ITGB5: variants seen among roughly 807,000 people sequenced by gnomAD.
ITGB5 encodes integrin subunit beta 5.
ITGB5 carries 38 observed loss-of-function variants against 84.8 expected under a neutral mutation model. The ratio of observed to expected loss-of-function variants is 0.45; its 90% CI spans 0.35 to 0.59. ITGB5 has a LOEUF of 0.59. ITGB5 is among the 20% of genes least tolerant of loss of function. ITGB5 has a pLI of 0.01. For missense variants in ITGB5, 905 were observed against 1,034.5 expected, an observed-to-expected ratio of 0.87 and a Z score of 1.72; for synonymous variants, 393 against 414.4, an observed-to-expected ratio of 0.95 and a Z score of 0.63.
rs905322990 is a variant in ITGB5, at chr3:124,886,925, G to A, written c.70+6C>T. On this transcript the variant is annotated splice_donor_region_variant and intron_variant, in intron 1 of 14. Transcript: ENST00000296181. The stretch of plus-strand genomic sequence containing the variant: ...TTCTCTGGGCGCCGTGGGCGGCGCG[G>A]CTTACCTGCGAGCCGGGGCAGGAGC... The A allele has an allele frequency of 8.2e-7, 1 of 1,212,294 alleles. No individual in the cohort carries two copies. 75.1% of individuals were successfully genotyped at this position (1,212,294 alleles called of 1,614,324 possible).
intron 10 of ITGB5, among the ~76,000 whole-genome samples, 178 bp from the exon 11 acceptor site, chr3:124,774,090 G>A (rs149059195): frequency 5.4e-4 from 82 of 152,332 alleles, no homozygotes; most frequent in African/African-American, 1.8e-3. Flanking sequence ...GGGACAGCAG[G>A]GGACCCTGGC....
chr3:124,851,665 A>T (rs562656313), intron 3 of ITGB5, among the ~76,000 whole-genome samples: 1 of 152,022 alleles, frequency 6.6e-6, no homozygotes, highest in Non-Finnish European at 1.5e-5. Flanking sequence ...TCCCAAAGGA[A>T]GGCTGCAGTT....
At chr3:124,780,029 C>T (rs1036845773) in intron 10 of ITGB5, among the ~76,000 whole-genome samples, 9 of 152,174 alleles carry the variant, frequency 5.9e-5, no homozygotes, top group Non-Finnish European at 1.3e-4. Context: ...CCACAGAGGC[C>T]CCCTTCTGCC....
intron 11 of ITGB5, among the ~76,000 whole-genome samples, chr3:124,772,298 CCTGT>C (rs1448286833): frequency 6.6e-6 from 1 of 152,212 alleles, no homozygotes; most frequent in Non-Finnish European, 1.5e-5. Flanking sequence ...AAAACCCAGC[CCTGT>C]CTATCTTGTC....
intron 5 of ITGB5, among the ~76,000 whole-genome samples, chr3:124,836,384 T>C (rs1179646866): frequency 1.3e-5 from 2 of 151,258 alleles, no homozygotes; most frequent in African/African-American, 4.9e-5. Context: ...TGGGCAAGGT[T>C]GCAGTGAGCC....
chr3:124,900,113 A>C (rs563296752), intron 1 of ITGB5, among the ~76,000 whole-genome samples: 1 of 152,098 alleles, frequency 6.6e-6, no homozygotes, highest in Non-Finnish European at 1.5e-5. Flanking sequence ...CTCAGCTTCA[A>C]ATATATGTCA....
chr3:124,883,790 G>A (rs957335877), intron 1 of ITGB5, among the ~76,000 whole-genome samples: 1 of 152,202 alleles, frequency 6.6e-6, no homozygotes, highest in Admixed American at 6.5e-5. Context: ...TCTTAGCAAA[G>A]GCAGCGTGGA....
At chr3:124,765,556 T>G (rs2063754216) in intron 13 of ITGB5, among the ~76,000 whole-genome samples, 1 of 152,150 alleles carries the variant, frequency 6.6e-6, no homozygotes, top group Non-Finnish European at 1.5e-5. Context: ...CTGTGCAGGG[T>G]AGGTATGTTC....
At chr3:124,817,908 G>A (rs1040822154) in intron 7 of ITGB5, among the ~76,000 whole-genome samples, 198 bp from the exon 8 acceptor site, 12 of 152,216 alleles carry the variant, frequency 7.9e-5, no homozygotes, top group South Asian at 2.1e-4. Context: ...ACAGTACGCC[G>A]TGGAATATCC....
chr3:124,881,619 C>T (rs1481333509), intron 1 of ITGB5, among the ~76,000 whole-genome samples: 1 of 152,120 alleles, frequency 6.6e-6, no homozygotes, highest in Admixed American at 6.5e-5. Flanking sequence ...GCCTCAGCTT[C>T]CTCATGCAAA....
chr3:124,889,325 G>A (rs1317513082), upstream of ITGB5, among the ~76,000 whole-genome samples: 1 of 152,186 alleles, frequency 6.6e-6, no homozygotes, highest in Admixed American at 6.5e-5. Context: ...GCAACCTTTT[G>A]TCTCTTATCT....
intron 13 of ITGB5, among the ~76,000 whole-genome samples, chr3:124,765,468 TGATACCCTGCCCAGCCCTGGTGGTCTA>T (rs2063752918): frequency 6.6e-6 from 1 of 152,130 alleles, no homozygotes; most frequent in Non-Finnish European, 1.5e-5. Context: ...CTGACTTGAG[TGATACCCTGCCCAGCCCTGGTGGTCTA>T]GATGCCCTGC....
chr3:124,835,254 A>C (rs918200482), intron 5 of ITGB5, among the ~76,000 whole-genome samples: 4 of 152,242 alleles, frequency 2.6e-5, no homozygotes, highest in Non-Finnish European at 4.4e-5. Context: ...TGCGGAGCCC[A>C]CAACACAGCT....
At chr3:124,845,170 C>T (rs915152774) in intron 4 of ITGB5, among the ~76,000 whole-genome samples, 5 of 152,326 alleles carry the variant, frequency 3.3e-5, no homozygotes, top group South Asian at 4.1e-4. Context: ...TGGTGGCCCA[C>T]CCCTGTAATC....
chr3:124,804,857 G>A (rs1013950668), intron 9 of ITGB5, among the ~76,000 whole-genome samples: 13 of 152,048 alleles, frequency 8.5e-5, no homozygotes, highest in Non-Finnish European at 2.9e-5. Flanking sequence ...AGTAGAGACA[G>A]GGTTTCACCA....
At chr3:124,890,988 C>CT (rs371362393), upstream of ITGB5, among the ~76,000 whole-genome samples, 12 of 152,204 alleles carry the variant, frequency 7.9e-5, no homozygotes, top group African/African-American at 2.9e-4. Context: ...ACTCCCCCCC[C>CT]AGCCACTGGA....
chr3:124,853,305 C>CT (rs2065181747), intron 3 of ITGB5, among the ~76,000 whole-genome samples: 2 of 152,230 alleles, frequency 1.3e-5, no homozygotes, highest in African/African-American at 4.8e-5. Flanking sequence ...CTTCCAGTCA[C>CT]TACAGCAGAA....
chr3:124,868,621 A>T lies in ITGB5; in HGVS notation c.156+4825T>A, dbSNP rs894142463. Among the ~76,000 whole-genome samples, 1,149 of 124,964 alleles carry T rather than the reference A, an allele frequency of 9.2e-3. 21 individuals are homozygous for T. The highest frequency in any genetic ancestry group is 0.043 in the African/African-American group (1,064 of 24,718). 82.0% of individuals were successfully genotyped at this position (124,964 alleles called of 152,430 possible). A position where few individuals can be genotyped will look rare whatever the true frequency, so the allele number is the denominator to read the frequency against. On this transcript the variant is annotated intron_variant, in intron 2 of 14. Coordinates refer to ENST00000296181, the MANE Select transcript of ITGB5 (RefSeq NM_002213.5). Reference sequence around the variant, plus strand: ...CATAGTGAGACCTGTTCTCTACCAAAAAAAAAAAAAAAAAAAAAAAAATCA... The same window carrying T: ...CATAGTGAGACCTGTTCTCTACCAATAAAAAAAAAAAAAAAAAAAAAATCA...
chr3:124,855,142 G>A (rs9289238), intron 3 of ITGB5, among the ~76,000 whole-genome samples: 21,893 of 151,914 alleles, frequency 0.14, 1,763 homozygotes, highest in South Asian at 0.21. Flanking sequence ...GTGAAACCCC[G>A]TCTCTACTAA....
Sources: gnomAD v4.1 joint callset for allele counts (sites outside exome capture counted in the v4.1 genomes callset) on GRCh38, gnomAD v4.1.1 for gene constraint, MANE v1.5 for transcripts, NCBI Gene and HGNC (gene_info 2026-07-23, HGNC 2026-07-21) for gene names.